CTR9: variants seen among roughly 807,000 people sequenced by gnomAD.
CTR9 encodes the protein RNA polymerase-associated protein CTR9 homolog.
CTR9 carries 41 observed loss-of-function variants against 152.1 expected under a neutral mutation model. The observed-to-expected ratio is 0.27, with a 90% CI of 0.21 to 0.35. CTR9 has a LOEUF of 0.35. CTR9 is among the 10% of genes least tolerant of loss of function. CTR9 has a pLI of 1.00. For missense variants in CTR9, 917 were observed against 1,424.4 expected (o/e 0.64, Z 5.73); for synonymous variants, 476 against 496.2 (o/e 0.96, Z 0.54).
At chr11:10,755,273 A>AT (rs1862867087) in intron 3 of CTR9, 76 bp downstream of exon 3, 4 of 1,489,672 alleles carry the variant, frequency 2.7e-6, no homozygotes, top group African/African-American at 1.4e-5. Flanking sequence ...GTGATAGCAG[A>AT]TTTTTTGAAA....
intron 1 of CTR9, 113 bp from the exon 2 acceptor site, chr11:10,752,559 A>G (rs1862821848): frequency 2.8e-6 from 2 of 717,382 alleles, no homozygotes; most frequent in Admixed American, 4.3e-5. Context: ...CCGTATTGAA[A>G]GTGAACACGT....
intron 19 of CTR9, among the ~76,000 whole-genome samples, chr11:10,771,821 T>TG (rs919917655): frequency 1.4e-4 from 22 of 152,174 alleles, no homozygotes; most frequent in Admixed American, 4.6e-4. Context: ...ACTTGAGTTC[T>TG]GGGGGAAAAT....
intron 3 of CTR9, 46 bp downstream of exon 3, chr11:10,755,243 C>T: frequency 6.4e-7 from 1 of 1,565,158 alleles, no homozygotes; most frequent in Non-Finnish European, 8.6e-7. Context: ...GGGAGAAAAG[C>T]ACATGAAAGC....
intron 12 of CTR9, among the ~76,000 whole-genome samples, chr11:10,765,908 G>A (rs1863051787): frequency 6.6e-6 from 1 of 152,068 alleles, no homozygotes; most frequent in Non-Finnish European, 1.5e-5. Context: ...TGAGAGAAGT[G>A]ACATTTCCTA....
At chr11:10,760,529 A>T (rs1862959789) in intron 6 of CTR9, among the ~76,000 whole-genome samples, 1 of 152,106 alleles carries the variant, frequency 6.6e-6, no homozygotes, top group Non-Finnish European at 1.5e-5. Flanking sequence ...TAGACTGTTT[A>T]CACTAGTAGG....
intron 22 of CTR9, 63 bp downstream of exon 22, chr11:10,774,232 C>T (rs1863194109): frequency 6.6e-7 from 1 of 1,516,940 alleles, no homozygotes; most frequent in African/African-American, 1.4e-5. Flanking sequence ...CTTTTACCTT[C>T]TGAATCTTTT....
chr11:10,755,563 C>T, intron 3 of CTR9, 115 bp from the exon 4 acceptor site: 1 of 637,920 alleles, frequency 1.6e-6, no homozygotes, highest in South Asian at 2.3e-5. Flanking sequence ...AAGCACGTTA[C>T]ATTTGATAGG....
chr11:10,778,647 C>T, intron 24 of CTR9, 32 bp from the exon 25 acceptor site: 4 of 1,587,530 alleles, frequency 2.5e-6, no homozygotes, highest in Non-Finnish European at 3.4e-6. Context: ...AGCCAGAATC[C>T]TCAGCTTCTA....
chr11:10,761,102 G>A lies in CTR9; in HGVS notation c.741+781G>A, dbSNP rs990039452. Among the ~76,000 whole-genome samples the A allele has an allele frequency of 7.1e-4, 108 of 152,164 alleles. 1 individual carries two copies. The highest frequency in any genetic ancestry group is 1.0e-3 in the Non-Finnish European group (69 of 68,024). ...GTTTTGGGCTGGATAATTCTTTGTT[G>A]TGGGGAACTGTCCCTTCCATTATAG... On this transcript the variant is annotated intron_variant, in intron 6 of 24. Transcript: ENST00000361367.
chr11:10,768,327 C>T lies in CTR9; in HGVS notation c.1961-16C>T, dbSNP rs1328011045. 3 of 1,602,072 alleles carry T rather than the reference C, an allele frequency of 1.9e-6. No individual in the cohort carries two copies. Among genetic ancestry groups the T allele is most frequent in the South Asian group, 1.1e-5 (1 of 88,350 alleles). ...AATTAGAAAATTGTTAAGTGTGAACCTTTTTATATCTTTAGGAGCTGTTTT... is the reference window on the plus strand; with the variant it reads ...AATTAGAAAATTGTTAAGTGTGAACTTTTTTATATCTTTAGGAGCTGTTTT... On this transcript the variant is annotated splice_polypyrimidine_tract_variant and intron_variant, in intron 15 of 24. Coordinates refer to ENST00000361367, the MANE Select transcript of CTR9 (RefSeq NM_014633.5).
At position 10,766,505 on chromosome 11, in the gene CTR9, C is replaced by G. The variant is rs761648478; in HGVS notation, c.1686+15C>G. 7 of 1,521,362 alleles carry G rather than the reference C, an allele frequency of 4.6e-6. No individual in the cohort carries two copies. In the South Asian group the frequency reaches 8.6e-5, roughly 19 times the overall value. The allele number at this position is 1,521,362 out of a possible 1,614,324, so 94.2% of individuals were successfully genotyped here. Reference sequence around the variant, plus strand: ...AGATTAATCAGGTTGGTAATATTAACTCTTAGGTTTGAGAAATAATTATTT... The same window carrying G: ...AGATTAATCAGGTTGGTAATATTAAGTCTTAGGTTTGAGAAATAATTATTT... On this transcript the variant is annotated intron_variant, in intron 13 of 24. Transcript: ENST00000361367.
rs143491141 is a variant in CTR9, at chr11:10,764,150, T to C, written c.1233T>C (p.Asp411=). The change falls in exon 10 of 25, where the codon GAT becomes GAC. Residue 411 remains aspartate (D), a synonymous_variant. Coordinates refer to ENST00000361367, the MANE Select transcript of CTR9 (RefSeq NM_014633.5). ...LKKVTEQYPD[D]VEAWIELAQI... ...AGGTCACAGAACAGTATCCCGATGA[T>C]GTTGAAGCTTGGATTGAATTGGCAC... The C allele has an allele frequency of 2.7e-3, 4,361 of 1,614,210 alleles. 79 individuals are homozygous for C. In the African/African-American group the frequency reaches 0.044, roughly 16 times the overall value.
At chr11:10,774,817 G>A (rs904229611) in intron 22 of CTR9, among the ~76,000 whole-genome samples, 2 of 152,162 alleles carry the variant, frequency 1.3e-5, no homozygotes, top group Non-Finnish European at 2.9e-5. Context: ...ACAGACTTGT[G>A]GAATTGAAGC....
At chr11:10,766,264 A>AT in intron 12 of CTR9, 138 bp from the exon 13 acceptor site, 1 of 658,164 alleles carries the variant, frequency 1.5e-6, no homozygotes. Flanking sequence ...GATGATTGAT[A>AT]TTTTTTCACC....
chr11:10,769,693 G>A (rs1863112633), intron 16 of CTR9, among the ~76,000 whole-genome samples: 1 of 152,148 alleles, frequency 6.6e-6, no homozygotes, highest in African/African-American at 2.4e-5. Flanking sequence ...TATGACAAGA[G>A]GTATTCCATG....
chr11:10,761,898 C>A, intron 6 of CTR9, 49 bp from the exon 7 acceptor site: 1 of 1,230,632 alleles, frequency 8.1e-7, no homozygotes, highest in Non-Finnish European at 1.2e-6. Flanking sequence ...TTGAAAAGTG[C>A]TAATTTAGTA....
In CTR9 at chr11:10,760,244, A is replaced by G. The variant is rs1862955216; in HGVS notation, c.664A>G (p.Ser222Gly). Residue 222 changes from serine (S) to glycine (G), a missense_variant, in exon 6 of 25, where the codon AGC becomes GGC. By Grantham distance (56) the Ser-to-Gly change is moderately conservative (BLOSUM62 0). Transcript: ENST00000361367. ...ACTGGAAAAAGCTCGTCTGGCATTC[A>G]GCAGAGCCCTGGAACTCAATTCCAA... ...NKLEKARLAFSRALELNSKCV... is the reference protein window; with the variant it reads ...NKLEKARLAFGRALELNSKCV... The G allele has an allele frequency of 1.2e-6, 2 of 1,614,154 alleles. No homozygotes were observed. The highest frequency in any genetic ancestry group is 1.7e-6 in the Non-Finnish European group (2 of 1,179,990).
chr11:10,766,322 T>G lies in CTR9; in HGVS notation c.1598-80T>G, dbSNP rs1028277868. On this transcript the variant is annotated intron_variant, in intron 12 of 24. Coordinates refer to ENST00000361367, the MANE Select transcript of CTR9 (RefSeq NM_014633.5). ...TATGGCGGTATTAATGAAAAAAAAT[T>G]GTTTCAAAAGTATGACTTTAAAATT... 3 of 1,098,754 alleles carry G rather than the reference T, an allele frequency of 2.7e-6. No homozygotes were observed. In the African/African-American group the frequency reaches 4.8e-5, roughly 18 times the overall value. 68.1% of individuals were successfully genotyped at this position (1,098,754 alleles called of 1,614,324 possible). A position where few individuals can be genotyped will look rare whatever the true frequency, so the allele number is the denominator to read the frequency against.
chr11:10,760,122 G>A, intron 5 of CTR9, 51 bp from the exon 6 acceptor site: 1 of 1,588,192 alleles, frequency 6.3e-7, no homozygotes, highest in Non-Finnish European at 8.6e-7. Context: ...TTTTGTAATT[G>A]AACTCTAAAA....
Sources: gnomAD v4.1 joint callset for allele counts (sites outside exome capture counted in the v4.1 genomes callset) on GRCh38, gnomAD v4.1.1 for gene constraint, MANE v1.5 for transcripts, NCBI Gene and HGNC (gene_info 2026-07-23, HGNC 2026-07-21) for gene names.